LRFN5: variants seen among roughly 807,000 people sequenced by gnomAD.
The protein encoded by LRFN5 is leucine-rich repeat and fibronectin type-III domain-containing protein 5.
In LRFN5, 24 loss-of-function variants were observed where a neutral mutation model predicts 45.6. That is an observed-to-expected ratio of 0.53 (90% confidence interval 0.38 to 0.74). LRFN5 has a LOEUF of 0.74. Ranked by LOEUF, LRFN5 falls within the 30% of genes least tolerant of loss-of-function variation. LRFN5 has a pLI of 0.00. For synonymous variants in LRFN5, 340 were observed against 313.8 expected (o/e 1.08, Z -0.88); for missense variants, 776 against 861.5 (o/e 0.90, Z 1.24).
At chr14:41,870,947 A>G (rs965161987) in intron 2 of LRFN5, among the ~76,000 whole-genome samples, 2 of 152,116 alleles carry the variant, frequency 1.3e-5, no homozygotes, top group Admixed American at 6.6e-5. Flanking sequence ...ACAACCGACC[A>G]GGTATATTAT....
chr14:41,786,448 A>G (rs943095818), intron 2 of LRFN5, among the ~76,000 whole-genome samples: 24 of 148,358 alleles, frequency 1.6e-4, no homozygotes, highest in Non-Finnish European at 3.1e-4. Flanking sequence ...TTTCTTACAT[A>G]TTTTCTGAGA....
At chr14:41,770,717 G>A (rs1886052008) in intron 2 of LRFN5, among the ~76,000 whole-genome samples, 1 of 152,192 alleles carries the variant, frequency 6.6e-6, no homozygotes, top group Non-Finnish European at 1.5e-5. Flanking sequence ...ACAGGTTGCA[G>A]TTGTATGCTT....
intron 1 of LRFN5, among the ~76,000 whole-genome samples, chr14:41,658,278 A>T (rs1880471416): frequency 6.6e-6 from 1 of 151,978 alleles, no homozygotes; most frequent in East Asian, 1.9e-4. Context: ...AGGGACTGGC[A>T]TTTTTATTCA....
At chr14:41,696,831 C>T (rs1470117746) in intron 1 of LRFN5, among the ~76,000 whole-genome samples, 7 of 151,850 alleles carry the variant, frequency 4.6e-5, no homozygotes, top group Non-Finnish European at 7.4e-5. Context: ...TGATGCCAGG[C>T]ATGTTTCATG....
At chr14:41,902,237 C>G (rs1891124469) in intron 5 of LRFN5, among the ~76,000 whole-genome samples, 1 of 151,830 alleles carries the variant, frequency 6.6e-6, no homozygotes, top group South Asian at 2.1e-4. Flanking sequence ...TCCACTCACT[C>G]TTAAATGAGG....
At chr14:41,805,999 C>T (rs951910427) in intron 2 of LRFN5, among the ~76,000 whole-genome samples, 1 of 152,122 alleles carries the variant, frequency 6.6e-6, no homozygotes, top group Non-Finnish European at 1.5e-5. Flanking sequence ...TTGCAAATTT[C>T]CCCCACAAAA....
In LRFN5 at chr14:41,734,029, C is replaced by CTT. The variant is rs58623215; in HGVS notation, c.-196-32813_-196-32812dup. Among the ~76,000 whole-genome samples, 325 of 123,866 alleles carry CTT rather than the reference C, an allele frequency of 2.6e-3. 2 individuals are homozygous for CTT. In the Middle Eastern group the frequency reaches 0.028, roughly 11 times the overall value. The allele number at this position is 123,866 out of a possible 152,430, so 81.3% of individuals were successfully genotyped here. A position where few individuals can be genotyped will look rare whatever the true frequency, so the allele number is the denominator to read the frequency against. On this transcript the variant is annotated intron_variant, in intron 1 of 5. Transcript: ENST00000298119. ...TATATTTTTTCTTTTCTTTTCTTTT[C>CTT]TTTTTTTTTTTTTGTGATGGAGTTT...
At chr14:41,799,385 G>A (rs1286640171) in intron 2 of LRFN5, among the ~76,000 whole-genome samples, 1 of 151,956 alleles carries the variant, frequency 6.6e-6, no homozygotes, top group Admixed American at 6.6e-5. Flanking sequence ...GTATTGAGGG[G>A]GATCACTGCT....
chr14:41,884,239 T>A (rs977380372), intron 2 of LRFN5, among the ~76,000 whole-genome samples: 1 of 152,238 alleles, frequency 6.6e-6, no homozygotes, highest in African/African-American at 2.4e-5. Context: ...ATCTCAAGGA[T>A]CACAGTTCTG....
intron 1 of LRFN5, among the ~76,000 whole-genome samples, chr14:41,612,879 T>C (rs1254530410): frequency 6.6e-6 from 1 of 152,126 alleles, no homozygotes; most frequent in Non-Finnish European, 1.5e-5. Context: ...AATATAAGAA[T>C]TTAATTCAAA....
At chr14:41,659,628 C>A (rs1381236762) in intron 1 of LRFN5, among the ~76,000 whole-genome samples, 1 of 152,134 alleles carries the variant, frequency 6.6e-6, no homozygotes, top group African/African-American at 2.4e-5. Context: ...AATCAACACA[C>A]TGTCTCCCAC....
chr14:41,883,098 G>A (rs1890443371), intron 2 of LRFN5, among the ~76,000 whole-genome samples: 1 of 150,400 alleles, frequency 6.6e-6, no homozygotes, highest in East Asian at 2.0e-4. Context: ...CTGTCCCCCC[G>A]ACCCTGGCTT....
chr14:41,697,533 A>G (rs1019741534), intron 1 of LRFN5, among the ~76,000 whole-genome samples: 2 of 151,764 alleles, frequency 1.3e-5, no homozygotes, highest in African/African-American at 4.8e-5. Context: ...GTCTTATTTA[A>G]AACAGAGATT....
At chr14:41,713,412 C>T (rs1466003202) in intron 1 of LRFN5, among the ~76,000 whole-genome samples, 2 of 151,986 alleles carry the variant, frequency 1.3e-5, no homozygotes, top group African/African-American at 2.4e-5. Context: ...TGATAAAGTA[C>T]ATCTAGTACA....
intron 2 of LRFN5, among the ~76,000 whole-genome samples, chr14:41,776,984 T>C (rs1886316078): frequency 6.6e-6 from 1 of 152,030 alleles, no homozygotes; most frequent in Non-Finnish European, 1.5e-5. Context: ...ATTGGAATTC[T>C]AGCACTGCCA....
At chr14:41,716,736 T>G (rs1000597346) in intron 1 of LRFN5, among the ~76,000 whole-genome samples, 1 of 152,138 alleles carries the variant, frequency 6.6e-6, no homozygotes, top group Non-Finnish European at 1.5e-5. Context: ...TGCTCCAACC[T>G]CTGTCTGTTA....
chr14:41,818,150 A>T (rs1887984619), intron 2 of LRFN5, among the ~76,000 whole-genome samples: 1 of 152,030 alleles, frequency 6.6e-6, no homozygotes, highest in South Asian at 2.1e-4. Context: ...CATGTTAATT[A>T]TCTGGGTCTT....
chr14:41,713,239 C>T (rs1047491364), intron 1 of LRFN5, among the ~76,000 whole-genome samples: 1 of 151,994 alleles, frequency 6.6e-6, no homozygotes, highest in Non-Finnish European at 1.5e-5. Flanking sequence ...GCAAAACAGT[C>T]TGTTAGTAAT....
At chr14:41,673,515 G>T (rs1881361660) in intron 1 of LRFN5, among the ~76,000 whole-genome samples, 1 of 147,034 alleles carries the variant, frequency 6.8e-6, no homozygotes, top group Non-Finnish European at 1.5e-5. Flanking sequence ...TCCCAGTAGG[G>T]GCGGCCGGGC....
Sources: allele counts gnomAD v4.1 joint callset (sites outside exome capture counted in the v4.1 genomes callset), GRCh38; gene constraint gnomAD v4.1.1; transcripts MANE v1.5; gene names NCBI Gene and HGNC (gene_info 2026-07-23, HGNC 2026-07-21).